Variants in CTAGE8 observed in about 807,000 individuals in gnomAD.
CTAGE8 encodes the protein CTAGE family member 8, also known as Cutaneous T-cell lymphoma-associated antigen 8.
For missense variants in CTAGE8, 45 were observed against 284.9 expected, an observed-to-expected ratio of 0.16 and a Z score of 6.06; for synonymous variants, 10 against 100.1, an observed-to-expected ratio of 0.10 and a Z score of 5.37.
Position 144,267,597 on chromosome 7 carries a change from C to A in CTAGE8, c.1654G>T (p.Val552Leu). ...CCTCTTCCTCCTCCCCCTGGAAGCA[C>A]AGGTGAGAGTCTGAGTGGATCCTCC... The part of the protein sequence containing the change: ...LLEDPLRLSP[V>L]LPGGGGRGPS... Residue 552 changes from valine to leucine, a missense_variant, in exon 1 of 1, where the codon GTG becomes TTG. By Grantham distance (32) the Val-to-Leu change is conservative (BLOSUM62 1). Transcript: ENST00000487179. The A allele has an allele frequency of 2.5e-6, 1 of 397,652 alleles. No homozygotes were observed. Among genetic ancestry groups the A allele is most frequent in the Non-Finnish European group, 4.0e-6 (1 of 247,096 alleles). The allele number at this position is 397,652 out of a possible 1,614,324, so 24.6% of individuals were successfully genotyped here.
chr7:144,267,128 A>C lies in CTAGE8; in HGVS notation c.2123T>G (p.Val708Gly), dbSNP rs1364162915. The change falls in exon 1 of 1, where the codon GTG (valine) becomes GGG (glycine). Residue 708 changes from valine (V) to glycine (G), a missense_variant. Coordinates refer to ENST00000487179, the MANE Select transcript of CTAGE8 (RefSeq NM_001278507.2). ...LAPVRGPLFP[V>G]DTRGPFMRRG... Reference sequence around the variant, plus strand: ...TCTCATGAACGGGCCCCTTGTATCCACTGGAAACAATGGTCCTCTGACTGG... The same window carrying C: ...TCTCATGAACGGGCCCCTTGTATCCCCTGGAAACAATGGTCCTCTGACTGG... 3.3e-5 allele frequency: 52 copies of C among 1,569,596 alleles called. 2 individuals carry two copies. The African/African-American group carries it at 4.8e-4, about 15-fold the overall frequency.
In CTAGE8 at chr7:144,267,447, C is replaced by T; in HGVS notation, c.1804G>A (p.Glu602Lys). 2 of 1,111,650 alleles carry T rather than the reference C, an allele frequency of 1.8e-6. No individual in the cohort carries two copies. The highest frequency in any genetic ancestry group is 5.6e-5 in the East Asian group (2 of 35,508). The allele number at this position is 1,111,650 out of a possible 1,614,324, so 68.9% of individuals were successfully genotyped here. Residue 602 changes from glutamate to lysine, a missense_variant, in exon 1 of 1, where the codon GAA becomes AAA. Coordinates refer to ENST00000487179, the MANE Select transcript of CTAGE8 (RefSeq NM_001278507.2). Reference sequence around the variant, plus strand: ...GGAAACATCATCCTACGGTCCTGTTCCACCGGAGATGACAGGGACCCAGTG... The same window carrying T: ...GGAAACATCATCCTACGGTCCTGTTTCACCGGAGATGACAGGGACCCAGTG... The part of the protein sequence containing the change: ...SDTGSLSSPV[E>K]QDRRMMFPPP...
Position 144,267,587 on chromosome 7 carries a change from C to T in CTAGE8, c.1664G>A (p.Gly555Glu), listed in dbSNP as rs1309375000. The change falls in exon 1 of 1, where the codon GGG (glycine) becomes GAG (glutamate). Residue 555 changes from glycine to glutamate, a missense_variant. By Grantham distance (98) the Gly-to-Glu change is moderately conservative. Coordinates refer to ENST00000487179, the MANE Select transcript of CTAGE8 (RefSeq NM_001278507.2). ...GCTGCTTGGGCCTCTTCCTCCTCCC[C>T]CTGGAAGCACAGGTGAGAGTCTGAG... ...DPLRLSPVLPGGGGRGPSSPG... is the reference protein window; with the variant it reads ...DPLRLSPVLPEGGGRGPSSPG... The T allele has an allele frequency of 1.5e-3, 601 of 409,148 alleles. 12 individuals carry two copies. The highest frequency in any genetic ancestry group is 0.013 in the African/African-American group (140 of 11,130). The allele number at this position is 409,148 out of a possible 1,614,324, so 25.3% of individuals were successfully genotyped here. A position where few individuals can be genotyped will look rare whatever the true frequency, so the allele number is the denominator to read the frequency against.
rs2128828041 is a variant in CTAGE8 at position 144,267,221 on chromosome 7, A to G, written c.2030T>C (p.Val677Ala). 6.8e-7 allele frequency: 1 copy of G among 1,477,910 alleles called. No individual in the cohort carries two copies. The highest frequency in any genetic ancestry group is 2.3e-5 in the East Asian group (1 of 44,118). The allele number at this position is 1,477,910 out of a possible 1,614,324, so 91.5% of individuals were successfully genotyped here. The part of the protein sequence containing the change: ...DAKDDLGNLN[V>A]PDSSLPAENE... ...TTCAGCAGGGAGAGATGAATCAGGC[A>G]CATTTAAATTACCAAGATCATCTTT... is the stretch of plus-strand genomic sequence containing the variant. Residue 677 changes from valine to alanine, a missense_variant, in exon 1 of 1, where the codon GTG (valine) becomes GCG (alanine). Transcript: ENST00000487179.
chr7:144,267,145 T>G lies in CTAGE8; in HGVS notation c.2106A>C (p.Arg702Ser), dbSNP rs1169136753. ...GFIPPPLAPV[R>S]GPLFPVDTRG... ...TTGTATCCACTGGAAACAATGGTCC[T>G]CTGACTGGAGCAAGAGGTGGAGGAA... The change falls in exon 1 of 1, where the codon AGA becomes AGC. Residue 702 changes from arginine to serine, a missense_variant. By Grantham distance (110) the Arg-to-Ser change is moderately radical (BLOSUM62 -1). Transcript: ENST00000487179. 789 of 1,568,520 alleles carry G rather than the reference T, an allele frequency of 5.0e-4. 73 individuals carry two copies. Among genetic ancestry groups the G allele is most frequent in the African/African-American group, 2.9e-3 (203 of 70,520 alleles).
chr7:144,267,488 T>C lies in CTAGE8; in HGVS notation c.1763A>G (p.His588Arg), dbSNP rs2052723468. 1.2e-6 allele frequency: 1 copy of C among 812,038 alleles called. No individual in the cohort carries two copies. The highest frequency in any genetic ancestry group is 1.7e-6 in the Non-Finnish European group (1 of 584,512). 50.3% of individuals were successfully genotyped at this position (812,038 alleles called of 1,614,324 possible). Residue 588 changes from histidine (H) to arginine (R), a missense_variant, in exon 1 of 1, where the codon CAC becomes CGC. By Grantham distance (29) the His-to-Arg change is conservative. Coordinates refer to ENST00000487179, the MANE Select transcript of CTAGE8 (RefSeq NM_001278507.2). ...EPSYDRLIDP[H>R]RAPSDTGSLS... The stretch of plus-strand genomic sequence containing the variant: ...GGACCCAGTGTCAGAAGGAGCCCTG[T>C]GAGGATCGATTAACCTGTCATAGCT...
In CTAGE8 at chr7:144,266,871, C is replaced by T; in HGVS notation, c.*46G>A. Reference sequence around the variant, plus strand: ...GTGGTTCTGGATGTCCAGTAGCAGGCTCCTTTGAAGGCGGAATCAATCCTG... The same window carrying T: ...GTGGTTCTGGATGTCCAGTAGCAGGTTCCTTTGAAGGCGGAATCAATCCTG... On this transcript the variant is annotated 3_prime_UTR_variant, in exon 1 of 1. Coordinates refer to ENST00000487179, the MANE Select transcript of CTAGE8 (RefSeq NM_001278507.2). 1 of 1,096,538 alleles carries T rather than the reference C, an allele frequency of 9.1e-7. No homozygotes were observed. Among genetic ancestry groups the T allele is most frequent in the Non-Finnish European group, 1.2e-6 (1 of 804,740 alleles). The allele number at this position is 1,096,538 out of a possible 1,614,324, so 67.9% of individuals were successfully genotyped here. A position where few individuals can be genotyped will look rare whatever the true frequency, so the allele number is the denominator to read the frequency against.
Position 144,267,480 on chromosome 7 carries a change from G to T in CTAGE8, c.1771C>A (p.Pro591Thr). The T allele has an allele frequency of 1.2e-6, 1 of 868,162 alleles. No individual in the cohort carries two copies. Among genetic ancestry groups the T allele is most frequent in the Non-Finnish European group, 1.6e-6 (1 of 631,646 alleles). 53.8% of individuals were successfully genotyped at this position (868,162 alleles called of 1,614,324 possible). A position where few individuals can be genotyped will look rare whatever the true frequency, so the allele number is the denominator to read the frequency against. Residue 591 changes from proline (P) to threonine (T), a missense_variant, in exon 1 of 1, where the codon CCT (proline) becomes ACT (threonine). By Grantham distance (38) the Pro-to-Thr change is conservative. Transcript: ENST00000487179. ...GATGACAGGGACCCAGTGTCAGAAG[G>T]AGCCCTGTGAGGATCGATTAACCTG... is the stretch of plus-strand genomic sequence containing the variant. ...YDRLIDPHRA[P>T]SDTGSLSSPV...
In CTAGE8 at chr7:144,268,144, TTC is replaced by T; in HGVS notation, c.1105_1106del (p.Glu369LysfsTer5). ...GATTCTCACTTTCAAAATATATGTT[TTC>T]TGATTGCAAAGATGCTTGTTGAGTC... The part of the protein sequence containing the change: ...LQTQQASLQS[E>X]NIYFESENQK... On this transcript the variant is annotated frameshift_variant, in exon 1 of 1. Coordinates refer to ENST00000487179, the MANE Select transcript of CTAGE8 (RefSeq NM_001278507.2). LOFTEE classifies it low-confidence loss of function (END_TRUNC). 1 of 43,830 alleles carries T rather than the reference TTC, an allele frequency of 2.3e-5. No homozygotes were observed. Among genetic ancestry groups the T allele is most frequent in the Non-Finnish European group, 3.3e-5 (1 of 30,356 alleles). 2.7% of individuals were successfully genotyped at this position (43,830 alleles called of 1,614,324 possible).
Position 144,266,769 on chromosome 7 carries a change from A to G in CTAGE8, c.*148T>C. ...AGAAAAGTGCAATCACTTAAGTAAC[A>G]GCAGTTACTTAAACTGAAAATGAGA... On this transcript the variant is annotated 3_prime_UTR_variant, in exon 1 of 1. Transcript: ENST00000487179. 1 of 480,058 alleles carries G rather than the reference A, an allele frequency of 2.1e-6. No individual in the cohort carries two copies. The highest frequency in any genetic ancestry group is 3.5e-6 in the Non-Finnish European group (1 of 288,892). The allele number at this position is 480,058 out of a possible 1,614,324, so 29.7% of individuals were successfully genotyped here. A position where few individuals can be genotyped will look rare whatever the true frequency, so the allele number is the denominator to read the frequency against.
rs2052725069 is a variant in CTAGE8 at position 144,267,687 on chromosome 7, T to C, written c.1564A>G (p.Ser522Gly). 4 of 237,390 alleles carry C rather than the reference T, an allele frequency of 1.7e-5. 1 individual carries two copies. The highest frequency in any genetic ancestry group is 1.4e-4 in the African/African-American group (1 of 7,238). The allele number at this position is 237,390 out of a possible 1,614,324, so 14.7% of individuals were successfully genotyped here. A position where few individuals can be genotyped will look rare whatever the true frequency, so the allele number is the denominator to read the frequency against. ...GAAGGCCGACCCAATGGTGAGGGAC[T>C]ACATGGGGAATGCTCTCTGCCAAAT... is the stretch of plus-strand genomic sequence containing the variant. ...TAFGREHSPC[S>G]PSPLGRPSSE... Residue 522 changes from serine to glycine, a missense_variant, in exon 1 of 1, where the codon AGT becomes GGT. Transcript: ENST00000487179.
At position 144,267,496 on chromosome 7, in the gene CTAGE8, G is replaced by C; in HGVS notation, c.1755C>G (p.Ile585Met). ...ERGEPSYDRL[I>M]DPHRAPSDTG... The stretch of plus-strand genomic sequence containing the variant: ...TGTCAGAAGGAGCCCTGTGAGGATC[G>C]ATTAACCTGTCATAGCTTGGTTCTC... Residue 585 changes from isoleucine to methionine, a missense_variant, in exon 1 of 1, where the codon ATC becomes ATG. Ile to Met is a conservative substitution (Grantham distance 10, BLOSUM62 1). Transcript: ENST00000487179. 1.3e-6 allele frequency: 1 copy of C among 763,386 alleles called. No individual in the cohort carries two copies. The highest frequency in any genetic ancestry group is 1.8e-6 in the Non-Finnish European group (1 of 544,498). The allele number at this position is 763,386 out of a possible 1,614,324, so 47.3% of individuals were successfully genotyped here.
In CTAGE8 at chr7:144,267,237, GA is replaced by G. The variant is rs1356455858; in HGVS notation, c.2013del (p.Gly673ValfsTer3). 7.5e-7 allele frequency: 1 copy of G among 1,333,608 alleles called. No individual in the cohort carries two copies. Among genetic ancestry groups the G allele is most frequent in the East Asian group, 2.4e-5 (1 of 42,276 alleles). The allele number at this position is 1,333,608 out of a possible 1,614,324, so 82.6% of individuals were successfully genotyped here. Reference sequence around the variant, plus strand: ...GAATCAGGCACATTTAAATTACCAAGATCATCTTTGGCATCATTTCTACTGG... The same window carrying G: ...GAATCAGGCACATTTAAATTACCAAGTCATCTTTGGCATCATTTCTACTGG... ...MESSRNDAKD[D>X]LGNLNVPDSS... On this transcript the variant is annotated frameshift_variant, in exon 1 of 1. Coordinates refer to ENST00000487179, the MANE Select transcript of CTAGE8 (RefSeq NM_001278507.2). LOFTEE classifies it low-confidence loss of function (END_TRUNC).
At position 144,267,324 on chromosome 7, in the gene CTAGE8, T is replaced by G; in HGVS notation, c.1927A>C (p.Arg643=). ...TCCAAAGAAGTCATTTTAAAACTTC[T>G]GGGTTCTGCTGGTCCAGACAGTCTT... ...SERLSGPAEP[R]SFKMTSLDKM... is the part of the protein sequence containing the mutation. The change falls in exon 1 of 1, where the codon AGA becomes CGA. Residue 643 remains arginine, a synonymous_variant. Transcript: ENST00000487179. 6.7e-7 allele frequency: 1 copy of G among 1,483,074 alleles called. No homozygotes were observed. The highest frequency in any genetic ancestry group is 9.0e-7 in the Non-Finnish European group (1 of 1,109,772). 91.9% of individuals were successfully genotyped at this position (1,483,074 alleles called of 1,614,324 possible).
Position 144,267,099 on chromosome 7 carries a change from C to A in CTAGE8, c.2152G>T (p.Gly718Ter). 2 of 1,548,340 alleles carry A rather than the reference C, an allele frequency of 1.3e-6. No homozygotes were observed. The highest frequency in any genetic ancestry group is 1.8e-6 in the Non-Finnish European group (2 of 1,138,558). Reference protein sequence around the residue: ...VDTRGPFMRRGPPFPPPPPGT... With the variant: ...VDTRGPFMRR Reference sequence around the variant, plus strand: ...GGAGGAGGTGGGGGGAAAGGAGGTCCTCTTCTCATGAACGGGCCCCTTGTA... The same window carrying A: ...GGAGGAGGTGGGGGGAAAGGAGGTCATCTTCTCATGAACGGGCCCCTTGTA... Residue 718 changes from glycine to a stop codon, truncating the protein, a stop_gained, in exon 1 of 1, where the codon GGA (glycine) becomes TGA (stop). Coordinates refer to ENST00000487179, the MANE Select transcript of CTAGE8 (RefSeq NM_001278507.2). LOFTEE classifies it low-confidence loss of function (END_TRUNC).
rs1378598253 is a variant in CTAGE8 at position 144,267,589 on chromosome 7, T to C, written c.1662A>G (p.Pro554=). 1.5e-3 allele frequency: 607 copies of C among 406,020 alleles called. 12 individuals are homozygous for C. The highest frequency in any genetic ancestry group is 0.013 in the African/African-American group (142 of 11,066). The allele number at this position is 406,020 out of a possible 1,614,324, so 25.2% of individuals were successfully genotyped here. The change falls in exon 1 of 1, where the codon CCA becomes CCG. Residue 554 remains proline (P), a synonymous_variant. Coordinates refer to ENST00000487179, the MANE Select transcript of CTAGE8 (RefSeq NM_001278507.2). ...TGCTTGGGCCTCTTCCTCCTCCCCC[T>C]GGAAGCACAGGTGAGAGTCTGAGTG... is the stretch of plus-strand genomic sequence containing the variant. ...EDPLRLSPVL[P]GGGGRGPSSP...
In CTAGE8 at chr7:144,267,551, G is replaced by C. The variant is rs2052724252; in HGVS notation, c.1700C>G (p.Pro567Arg). The C allele has an allele frequency of 3.8e-6, 2 of 526,928 alleles. No homozygotes were observed. The highest frequency in any genetic ancestry group is 1.4e-4 in the African/African-American group (2 of 13,962). The allele number at this position is 526,928 out of a possible 1,614,324, so 32.6% of individuals were successfully genotyped here. The change falls in exon 1 of 1, where the codon CCC (proline) becomes CGC (arginine). Residue 567 changes from proline to arginine, a missense_variant. By Grantham distance (103) the Pro-to-Arg change is moderately radical (BLOSUM62 -2). Coordinates refer to ENST00000487179, the MANE Select transcript of CTAGE8 (RefSeq NM_001278507.2). ...TTCATTGGTAATCTGATGGTCCAGGGGATTCCCTGGGCTGCTTGGGCCTCT... is the reference window on the plus strand; with the variant it reads ...TTCATTGGTAATCTGATGGTCCAGGCGATTCCCTGGGCTGCTTGGGCCTCT... ...GGRGPSSPGN[P>R]LDHQITNERG...
chr7:144,267,116 C>T lies in CTAGE8; in HGVS notation c.2135G>A (p.Gly712Asp), dbSNP rs202221599. Reference sequence around the variant, plus strand: ...AGGAGGTCCTCTTCTCATGAACGGGCCCCTTGTATCCACTGGAAACAATGG... The same window carrying T: ...AGGAGGTCCTCTTCTCATGAACGGGTCCCTTGTATCCACTGGAAACAATGG... Reference protein sequence around the residue: ...RGPLFPVDTRGPFMRRGPPFP... With the variant: ...RGPLFPVDTRDPFMRRGPPFP... The change falls in exon 1 of 1, where the codon GGC becomes GAC. Residue 712 changes from glycine (G) to aspartate (D), a missense_variant. Coordinates refer to ENST00000487179, the MANE Select transcript of CTAGE8 (RefSeq NM_001278507.2). 8.3e-4 allele frequency: 1,302 copies of T among 1,564,600 alleles called. 107 individuals carry two copies. The highest frequency in any genetic ancestry group is 1.5e-4 in the Non-Finnish European group (176 of 1,149,824).
chr7:144,266,922 A>G lies in CTAGE8; in HGVS notation c.2329T>C (p.Phe777Leu). Residue 777 changes from phenylalanine (F) to leucine (L), a missense_variant, in exon 1 of 1, where the codon TTC becomes CTC. Phe to Leu is a conservative substitution (Grantham distance 22). Transcript: ENST00000487179. Reference protein sequence around the residue: ...PRPGFYPNPTF With the variant: ...PRPGFYPNPTL ...AAGGGAACTCGCTTCTACCTTCAGA[A>G]TGTGGGGTTGGGGTAAAATCCAGGT... 3 of 1,338,510 alleles carry G rather than the reference A, an allele frequency of 2.2e-6. No homozygotes were observed. The highest frequency in any genetic ancestry group is 2.8e-5 in the Admixed American group (1 of 35,534). 82.9% of individuals were successfully genotyped at this position (1,338,510 alleles called of 1,614,324 possible). A position where few individuals can be genotyped will look rare whatever the true frequency, so the allele number is the denominator to read the frequency against.
Sources: gnomAD v4.1 joint callset for allele counts on GRCh38, gnomAD v4.1.1 for gene constraint, MANE v1.5 for transcripts, NCBI Gene and HGNC (gene_info 2026-07-23, HGNC 2026-07-21) for gene names.